EPB41L5: variants seen among roughly 807,000 people sequenced by gnomAD.
The protein encoded by EPB41L5 is band 4.1-like protein 5.
In EPB41L5, 55 loss-of-function variants were observed where a neutral mutation model predicts 106.6. The observed-to-expected ratio is 0.52, with a 90% confidence interval of 0.42 to 0.65. EPB41L5 has a LOEUF of 0.65. EPB41L5 is among the 30% of genes least tolerant of loss of function. The pLI is 0.00. For missense variants in EPB41L5, 871 were observed against 882.1 expected, an observed-to-expected ratio of 0.99 and a Z score of 0.16; for synonymous variants, 297 against 306.7, an observed-to-expected ratio of 0.97 and a Z score of 0.33.
At chr2:120,160,183 A>G (rs1160023493) in intron 20 of EPB41L5, among the ~76,000 whole-genome samples, 2 of 152,224 alleles carry the variant, frequency 1.3e-5, no homozygotes, top group Admixed American at 6.5e-5. Context: ...GTTTACCTGT[A>G]TAACAAACCT....
chr2:120,085,283 T>G (rs1490927090), intron 10 of EPB41L5, among the ~76,000 whole-genome samples: 2 of 152,194 alleles, frequency 1.3e-5, no homozygotes, highest in African/African-American at 2.4e-5. Flanking sequence ...ATGATGGTGA[T>G]GTACGGATGG....
chr2:120,016,589 A>G (rs1677544421), intron 1 of EPB41L5, among the ~76,000 whole-genome samples: 2 of 151,870 alleles, frequency 1.3e-5, no homozygotes, highest in South Asian at 4.1e-4. Context: ...ATTTTCTTGG[A>G]TACTGTTAAA....
At chr2:120,109,756 A>AT (rs1175198367) in intron 16 of EPB41L5, among the ~76,000 whole-genome samples, 1 of 152,102 alleles carries the variant, frequency 6.6e-6, no homozygotes, top group East Asian at 1.9e-4. Flanking sequence ...CAATTCCTCC[A>AT]TTTTTTTGTT....
intron 18 of EPB41L5, among the ~76,000 whole-genome samples, chr2:120,137,697 C>T (rs1356742585): frequency 3.3e-5 from 5 of 151,870 alleles, no homozygotes; most frequent in African/African-American, 7.2e-5. Flanking sequence ...GTAACAAGAT[C>T]GAAGCTGTAA....
chr2:120,098,876 C>G (rs748533173), intron 14 of EPB41L5, among the ~76,000 whole-genome samples: 13 of 152,222 alleles, frequency 8.5e-5, no homozygotes, highest in Non-Finnish European at 1.6e-4. Flanking sequence ...ATCCTCTATT[C>G]AGAGGTTGTG....
chr2:120,124,217 C>T (rs1394565941), intron 16 of EPB41L5, among the ~76,000 whole-genome samples: 1 of 152,170 alleles, frequency 6.6e-6, no homozygotes, highest in Non-Finnish European at 1.5e-5. Flanking sequence ...TCTTCACTCC[C>T]CTCATTTCTG....
At chr2:120,103,793 G>C (rs544913258) in intron 16 of EPB41L5, among the ~76,000 whole-genome samples, 18 of 152,204 alleles carry the variant, frequency 1.2e-4, no homozygotes, top group African/African-American at 3.9e-4. Flanking sequence ...CTTGCTTTCT[G>C]AGAAATTTCT....
Position 120,090,339 on chromosome 2 carries a change from T to C in EPB41L5, c.874-8T>C. The C allele has an allele frequency of 5.7e-6, 9 of 1,588,368 alleles. No homozygotes were observed. The highest frequency in any genetic ancestry group is 7.7e-6 in the Non-Finnish European group (9 of 1,171,046). ...AATCATCCTTTTATATATACTTTTC[T>C]TTTTCAGGGCAAAGAACAGGAACAT... On this transcript the variant is annotated splice_region_variant and splice_polypyrimidine_tract_variant and intron_variant, in intron 11 of 24. Transcript: ENST00000263713.
At chr2:120,157,502 C>T (rs1482954022) in intron 20 of EPB41L5, among the ~76,000 whole-genome samples, 1 of 151,968 alleles carries the variant, frequency 6.6e-6, no homozygotes, top group Non-Finnish European at 1.5e-5. Context: ...GGCATAGTGA[C>T]TCAATGGCTG....
chr2:120,075,513 A>C lies in EPB41L5; in HGVS notation c.445A>C (p.Ser149Arg). The stretch of plus-strand genomic sequence containing the variant: ...TCTTCAGTTAAAACAAGATATTCTC[A>C]GTGGAAAGTGAGTATTAGTTATTTA... ...FVLQLKQDIL[S>R]GKLDCPFDTA... Residue 149 changes from serine (S) to arginine (R), a missense_variant, in exon 6 of 25, where the codon AGT becomes CGT. Coordinates refer to ENST00000263713, the MANE Select transcript of EPB41L5 (RefSeq NM_020909.4). 6.4e-7 allele frequency: 1 copy of C among 1,566,546 alleles called. No individual in the cohort carries two copies. Among genetic ancestry groups the C allele is most frequent in the Non-Finnish European group, 8.8e-7 (1 of 1,138,734 alleles).
intron 20 of EPB41L5, among the ~76,000 whole-genome samples, chr2:120,149,089 T>C (rs1212671482): frequency 6.6e-6 from 1 of 152,184 alleles, no homozygotes; most frequent in Non-Finnish European, 1.5e-5. Context: ...CTCATTGTGG[T>C]TTGATTTGCA....
chr2:120,042,145 GAGA>G, intron 3 of EPB41L5, 35 bp downstream of exon 3: 1 of 1,512,798 alleles, frequency 6.6e-7, no homozygotes, highest in African/African-American at 1.4e-5. Flanking sequence ...TTAGCATAAG[GAGA>G]AGAAACAGGA....
At chr2:120,034,586 G>A (rs1204148458) in intron 2 of EPB41L5, among the ~76,000 whole-genome samples, 1 of 152,034 alleles carries the variant, frequency 6.6e-6, no homozygotes, top group Non-Finnish European at 1.5e-5. Context: ...TGTTAGCTGG[G>A]CTCAGTGTGA....
At chr2:120,123,150 G>T (rs1685304849) in intron 16 of EPB41L5, among the ~76,000 whole-genome samples, 1 of 148,918 alleles carries the variant, frequency 6.7e-6, no homozygotes. Flanking sequence ...ACAAAGTTTT[G>T]TTTTTTTTTC....
intron 18 of EPB41L5, among the ~76,000 whole-genome samples, chr2:120,133,073 A>C (rs2105473577): frequency 6.6e-6 from 1 of 152,300 alleles, no homozygotes; most frequent in East Asian, 1.9e-4. Flanking sequence ...GTAAAGGAGC[A>C]CTTTAGGTGA....
chr2:120,098,029 G>A (rs574209420), intron 14 of EPB41L5, among the ~76,000 whole-genome samples: 1 of 152,166 alleles, frequency 6.6e-6, no homozygotes, highest in Non-Finnish European at 1.5e-5. Flanking sequence ...GGCTGGGTGA[G>A]ATTTCATTAA....
At chr2:120,037,981 A>G (rs1679150573) in intron 2 of EPB41L5, among the ~76,000 whole-genome samples, 1 of 152,244 alleles carries the variant, frequency 6.6e-6, no homozygotes, top group Non-Finnish European at 1.5e-5. Context: ...TAGATATGGC[A>G]GTGATTTTGT....
chr2:120,178,684 A>T lies in EPB41L5; in HGVS notation c.*3777A>T, dbSNP rs1460377773. 1.3e-5 allele frequency: 2 copies of T among 152,234 alleles called. No homozygotes were observed. Among genetic ancestry groups the T allele is most frequent in the Non-Finnish European group, 2.9e-5 (2 of 68,040 alleles). The allele number at this position is 152,234 out of a possible 1,614,324, so 9.4% of individuals were successfully genotyped here. A position where few individuals can be genotyped will look rare whatever the true frequency, so the allele number is the denominator to read the frequency against. ...TGAGGACATTTGTTTGAATTATAGA[A>T]ATTTGCCCTGAGCTGAACTGGGTTG... On this transcript the variant is annotated 3_prime_UTR_variant, in exon 25 of 25. Coordinates refer to ENST00000263713, the MANE Select transcript of EPB41L5 (RefSeq NM_020909.4).
intron 20 of EPB41L5, among the ~76,000 whole-genome samples, chr2:120,147,642 A>T (rs1686469369): frequency 6.6e-6 from 1 of 151,726 alleles, no homozygotes. Flanking sequence ...AAAAAAAAAA[A>T]AAAAGGAAAG....
Sources: allele counts gnomAD v4.1 joint callset (sites outside exome capture counted in the v4.1 genomes callset), GRCh38; gene constraint gnomAD v4.1.1; transcripts MANE v1.5; gene names NCBI Gene and HGNC (gene_info 2026-07-23, HGNC 2026-07-21).